Variants in MSRA observed in about 807,000 individuals in gnomAD.
MSRA encodes the protein methionine sulfoxide reductase A.
Under a neutral mutation model 31.3 loss-of-function variants are expected in MSRA, and 54 were observed. The ratio of observed to expected loss-of-function variants is 1.73; its 90% CI spans 1.39 to 2.17. The LOEUF (loss-of-function observed/expected upper bound fraction) is 2.17, where lower values mean the gene tolerates loss of function less well. MSRA is among the 30% of genes most tolerant of loss of function. The pLI, the probability that MSRA is intolerant of heterozygous loss-of-function variation, is 0.00. For synonymous variants in MSRA, 169 were observed against 116.5 expected (o/e 1.45, Z -2.90); for missense variants, 507 against 300.9 (o/e 1.69, Z -5.07).
intron 2 of MSRA, among the ~76,000 whole-genome samples, chr8:10,213,335 G>T (rs917065853): frequency 3.3e-5 from 5 of 150,784 alleles, no homozygotes; most frequent in Admixed American, 3.3e-4. Flanking sequence ...ACTTAACATA[G>T]TGTTGTTGCA....
At chr8:10,334,929 A>G (rs1051905463) in intron 5 of MSRA, among the ~76,000 whole-genome samples, 20 of 152,292 alleles carry the variant, frequency 1.3e-4, no homozygotes, top group Admixed American at 3.9e-4. Context: ...CCGCCGAGCC[A>G]TCTTCCCGTT....
chr8:10,226,885 G>A (rs188779946), intron 2 of MSRA, among the ~76,000 whole-genome samples: 13 of 152,270 alleles, frequency 8.5e-5, no homozygotes, highest in African/African-American at 2.6e-4. Flanking sequence ...CTTCTGGACC[G>A]TGGTGCTACT....
intron 2 of MSRA, among the ~76,000 whole-genome samples, chr8:10,226,789 T>C (rs1040440000): frequency 7.2e-5 from 11 of 152,228 alleles, no homozygotes; most frequent in Admixed American, 2.6e-4. Flanking sequence ...GTGTGCATAT[T>C]TGTCAGGTCC....
chr8:10,344,574 C>CAAAAAAAAA (rs56843505), intron 5 of MSRA, among the ~76,000 whole-genome samples: 2 of 64,610 alleles, frequency 3.1e-5, no homozygotes, highest in Non-Finnish European at 5.0e-5. Context: ...GACTCCGTCT[C>CAAAAAAAAA]AAAAAAAAAA....
chr8:10,333,382 T>G (rs1006676556), intron 5 of MSRA, among the ~76,000 whole-genome samples: 1 of 152,110 alleles, frequency 6.6e-6, no homozygotes, highest in African/African-American at 2.4e-5. Context: ...TTCCTGAAGG[T>G]GATGGCTGAG....
intron 1 of MSRA, among the ~76,000 whole-genome samples, chr8:10,079,244 G>T (rs976624543): frequency 6.6e-6 from 1 of 152,104 alleles, no homozygotes; most frequent in East Asian, 1.9e-4. Flanking sequence ...CTGCAGCCTC[G>T]ACATCCTGGG....
At chr8:10,232,291 C>G (rs1298063552) in intron 2 of MSRA, among the ~76,000 whole-genome samples, 3 of 152,234 alleles carry the variant, frequency 2.0e-5, no homozygotes, top group Non-Finnish European at 4.4e-5. Context: ...ACAGACTGCT[C>G]TTCCTACCCC....
chr8:10,395,539 G>A (rs975989672), intron 5 of MSRA, among the ~76,000 whole-genome samples: 2 of 152,324 alleles, frequency 1.3e-5, no homozygotes, highest in African/African-American at 4.8e-5. Flanking sequence ...CCAGATGGAT[G>A]GAGCTGAGGA....
chr8:10,255,432 C>A (rs994448139), intron 3 of MSRA, among the ~76,000 whole-genome samples: 2 of 152,200 alleles, frequency 1.3e-5, no homozygotes, highest in African/African-American at 4.8e-5. Flanking sequence ...CAGTGAAATT[C>A]CGTTTTCAAT....
intron 1 of MSRA, among the ~76,000 whole-genome samples, chr8:10,155,211 G>C (rs986767323): frequency 6.6e-6 from 1 of 152,058 alleles, no homozygotes; most frequent in African/African-American, 2.4e-5. Context: ...TAGGGATATT[G>C]ATGACATTCT....
intron 2 of MSRA, among the ~76,000 whole-genome samples, chr8:10,235,414 G>A (rs1429671025): frequency 2.0e-5 from 3 of 151,980 alleles, no homozygotes; most frequent in Non-Finnish European, 4.4e-5. Flanking sequence ...AAACCTTAGA[G>A]GTTAAAAACA....
chr8:10,266,166 C>G (rs550390790), intron 3 of MSRA, among the ~76,000 whole-genome samples: 3 of 152,216 alleles, frequency 2.0e-5, no homozygotes, highest in Non-Finnish European at 4.4e-5. Context: ...TAAGAAATTT[C>G]CAAACTGTTT....
intron 1 of MSRA, among the ~76,000 whole-genome samples, chr8:10,167,040 C>G (rs1222194186): frequency 6.6e-6 from 1 of 152,152 alleles, no homozygotes; most frequent in Non-Finnish European, 1.5e-5. Flanking sequence ...AAGTGCAGAG[C>G]CAAATATCTT....
At chr8:10,368,557 T>C (rs1805298265) in intron 5 of MSRA, among the ~76,000 whole-genome samples, 1 of 152,224 alleles carries the variant, frequency 6.6e-6, no homozygotes, top group Non-Finnish European at 1.5e-5. Flanking sequence ...GTGGTCCCAG[T>C]CCTGGTTGCC....
At chr8:10,096,339 T>C (rs1799154391) in intron 1 of MSRA, 9 of 1,044,936 alleles carry the variant, frequency 8.6e-6, no homozygotes, top group Non-Finnish European at 1.0e-5. Flanking sequence ...TCATTATTTT[T>C]TTGTGTGTCT....
At chr8:10,114,996 A>G (rs539984777) in intron 1 of MSRA, among the ~76,000 whole-genome samples, 3 of 152,364 alleles carry the variant, frequency 2.0e-5, no homozygotes, top group African/African-American at 7.2e-5. Context: ...AAAACATACT[A>G]TAAAATTAGT....
At position 10,304,443 on chromosome 8, in the gene MSRA, A is replaced by C. The variant is rs1402714195; in HGVS notation, c.436+2805A>C. On this transcript the variant is annotated intron_variant, in intron 4 of 5. Transcript: ENST00000317173. ...AAAACAAGTATGTGTTAGCACTTGAACATTAAAGGCAAAAAACAAACAATA... is the reference window on the plus strand; with the variant it reads ...AAAACAAGTATGTGTTAGCACTTGACCATTAAAGGCAAAAAACAAACAATA... Among the ~76,000 whole-genome samples the C allele has an allele frequency of 2.6e-5, 4 of 152,272 alleles. No individual in the cohort carries two copies. In the East Asian group the frequency reaches 5.8e-4, roughly 22 times the overall value.
chr8:10,279,932 G>T (rs1311524681), intron 3 of MSRA, among the ~76,000 whole-genome samples: 2 of 152,156 alleles, frequency 1.3e-5, no homozygotes, highest in Non-Finnish European at 2.9e-5. Context: ...ATATTCTGTT[G>T]AATTTACCTC....
chr8:10,417,419 GACACACACACAC>G (rs1184991397), intron 5 of MSRA, among the ~76,000 whole-genome samples: 4 of 145,486 alleles, frequency 2.7e-5, no homozygotes, highest in Admixed American at 1.4e-4. Context: ...TTCGTCAGAA[GACACACACACAC>G]ACACACACAC....
Sources: gnomAD v4.1 joint callset for allele counts (sites outside exome capture counted in the v4.1 genomes callset) on GRCh38, gnomAD v4.1.1 for gene constraint, MANE v1.5 for transcripts, NCBI Gene and HGNC (gene_info 2026-07-23, HGNC 2026-07-21) for gene names.